The following EFNA5 variants were observed in gnomAD, a reference collection of about 807,000 sequenced individuals.
EFNA5 encodes ephrin A5.
A neutral mutation model predicts 22.9 loss-of-function variants in EFNA5; 5 were observed. That is an observed-to-expected ratio of 0.22 (90% CI 0.11 to 0.46). EFNA5 has a LOEUF of 0.46. EFNA5 is among the 20% of genes least tolerant of loss of function. The pLI is 0.99. For missense variants in EFNA5, 237 were observed against 293.3 expected (o/e 0.81, Z 1.40); for synonymous variants, 113 against 112.2 (o/e 1.01, Z -0.04).
chr5:107,387,617 TA>T, intron 3 of EFNA5, 88 bp downstream of exon 3: 42 of 877,918 alleles, frequency 4.8e-5, no homozygotes, highest in Non-Finnish European at 5.4e-5. Flanking sequence ...GATTTAACAG[TA>T]AAAAAAAGTT....
chr5:107,649,243 AAAT>A (rs1750684265), intron 1 of EFNA5, among the ~76,000 whole-genome samples: 1 of 152,194 alleles, frequency 6.6e-6, no homozygotes. Flanking sequence ...AGTTGGTAGA[AAAT>A]AAAAAACCTG....
intron 2 of EFNA5, among the ~76,000 whole-genome samples, chr5:107,390,478 T>C (rs1747760238): frequency 6.6e-6 from 1 of 152,094 alleles, no homozygotes; most frequent in South Asian, 2.1e-4. Context: ...CATGTAACAT[T>C]CCCACTAATA....
chr5:107,649,657 C>CTA (rs1415373768), intron 1 of EFNA5, among the ~76,000 whole-genome samples: 1 of 152,114 alleles, frequency 6.6e-6, no homozygotes, highest in African/African-American at 2.4e-5. Context: ...CACCTCAACT[C>CTA]TAAAGTTAGA....
At chr5:107,512,354 AAAAC>A (rs750180555) in intron 1 of EFNA5, among the ~76,000 whole-genome samples, 52 of 113,446 alleles carry the variant, frequency 4.6e-4, no homozygotes, top group Admixed American at 1.8e-4. Context: ...GGGGCAAAAC[AAAAC>A]AAACAAAACA....
chr5:107,474,063 G>A (rs1277321674), intron 1 of EFNA5, among the ~76,000 whole-genome samples: 3 of 146,918 alleles, frequency 2.0e-5, no homozygotes, highest in Admixed American at 7.1e-5. Flanking sequence ...AATCAATTTC[G>A]GCCCTGTACA....
intron 2 of EFNA5, among the ~76,000 whole-genome samples, chr5:107,406,317 T>C (rs1054102314): frequency 2.0e-5 from 3 of 151,972 alleles, no homozygotes; most frequent in Non-Finnish European, 2.9e-5. Flanking sequence ...ACCAACTTAA[T>C]ACACATTCTG....
chr5:107,528,840 A>C (rs1338227378), intron 1 of EFNA5, among the ~76,000 whole-genome samples: 2 of 152,178 alleles, frequency 1.3e-5, no homozygotes, highest in Non-Finnish European at 2.9e-5. Context: ...TATATAGATA[A>C]TATGTTCTAG....
chr5:107,569,817 A>G (rs1415041026), intron 1 of EFNA5, among the ~76,000 whole-genome samples: 3 of 137,142 alleles, frequency 2.2e-5, no homozygotes, highest in Admixed American at 1.5e-4. Flanking sequence ...GCACCATGCC[A>G]CTCCAGCCTG....
Position 107,495,129 on chromosome 5 carries a change from C to G in EFNA5, c.126-67620G>C, listed in dbSNP as rs1460221706. On this transcript the variant is annotated intron_variant, in intron 1 of 4. Transcript: ENST00000333274. ...CAACCCGCTCAGGTCCCCTTCCACG[C>G]TGTGGAAGCTTTGTTCTTTCGCTCT... 6.6e-5 allele frequency among the ~76,000 whole-genome samples: 10 copies of G among 152,294 alleles called. No individual in the cohort carries two copies. In the South Asian group the frequency reaches 1.9e-3, roughly 28 times the overall value.
intron 1 of EFNA5, among the ~76,000 whole-genome samples, chr5:107,576,800 C>G (rs1054528615): frequency 1.3e-5 from 2 of 152,158 alleles, no homozygotes; most frequent in Admixed American, 6.5e-5. Context: ...AATACTAAGC[C>G]TCCTCCCTTT....
chr5:107,414,568 G>A (rs932150312), intron 2 of EFNA5, among the ~76,000 whole-genome samples: 4 of 152,080 alleles, frequency 2.6e-5, no homozygotes, highest in Admixed American at 1.3e-4. Context: ...ATACTGAAGT[G>A]TGTCCTTCTA....
chr5:107,606,531 C>A (rs1749727826), intron 1 of EFNA5, among the ~76,000 whole-genome samples: 1 of 135,170 alleles, frequency 7.4e-6, no homozygotes, highest in South Asian at 2.6e-4. Flanking sequence ...CACACACTTG[C>A]ACGTACAACA....
intron 1 of EFNA5, among the ~76,000 whole-genome samples, chr5:107,649,394 A>G (rs568823700): frequency 6.6e-6 from 1 of 152,196 alleles, no homozygotes; most frequent in Non-Finnish European, 1.5e-5. Context: ...TAGCCAATAA[A>G]TTGAAATGAA....
rs143298623 is a variant in EFNA5, at chr5:107,508,448, G to A, written c.126-80939C>T. Among the ~76,000 whole-genome samples, 157 of 152,292 alleles carry A rather than the reference G, an allele frequency of 1.0e-3. 1 individual carries two copies. Among genetic ancestry groups the A allele is most frequent in the Middle Eastern group, 6.8e-3 (2 of 294 alleles). On this transcript the variant is annotated intron_variant, in intron 1 of 4. Coordinates refer to ENST00000333274, the MANE Select transcript of EFNA5 (RefSeq NM_001962.3). ...TTGCTGTAAAACACTATTTCCATCT[G>A]TGTCTTCTGCTGCATAGTTTAATTC...
In EFNA5 at chr5:107,381,030, G is replaced by A. The variant is rs2112481807; in HGVS notation, c.*225C>T. 2 of 547,560 alleles carry A rather than the reference G, an allele frequency of 3.7e-6. No homozygotes were observed. The highest frequency in any genetic ancestry group is 7.5e-5 in the South Asian group (2 of 26,822). 33.9% of individuals were successfully genotyped at this position (547,560 alleles called of 1,614,324 possible). On this transcript the variant is annotated 3_prime_UTR_variant, in exon 5 of 5. Coordinates refer to ENST00000333274, the MANE Select transcript of EFNA5 (RefSeq NM_001962.3). ...ATTTGGGAGGGGTGAGAGAAGCCAA[G>A]GGCCAGGGCTGGGGGTGGGGCGGGG...
intron 1 of EFNA5, among the ~76,000 whole-genome samples, chr5:107,482,532 G>A (rs1750496869): frequency 1.3e-5 from 2 of 152,030 alleles, no homozygotes; most frequent in Admixed American, 1.3e-4. Flanking sequence ...CAGATCTTGG[G>A]AAACAAATTA....
chr5:107,390,402 T>C (rs1210497298), intron 2 of EFNA5, among the ~76,000 whole-genome samples: 2 of 152,158 alleles, frequency 1.3e-5, no homozygotes, highest in African/African-American at 2.4e-5. Context: ...AGTGCATTAC[T>C]AATCACAAGT....
At chr5:107,604,166 C>T (rs773827162) in intron 1 of EFNA5, among the ~76,000 whole-genome samples, 1 of 152,108 alleles carries the variant, frequency 6.6e-6, no homozygotes, top group South Asian at 2.1e-4. Context: ...TTCCCAGTCA[C>T]CAATATTAAT....
chr5:107,533,668 C>A (rs948958572), intron 1 of EFNA5, among the ~76,000 whole-genome samples: 1 of 152,162 alleles, frequency 6.6e-6, no homozygotes, highest in Non-Finnish European at 1.5e-5. Context: ...AGTTAAACAT[C>A]CATCAAGAAT....
Sources: gnomAD v4.1 joint callset for allele counts (sites outside exome capture counted in the v4.1 genomes callset) on GRCh38, gnomAD v4.1.1 for gene constraint, MANE v1.5 for transcripts, NCBI Gene and HGNC (gene_info 2026-07-23, HGNC 2026-07-21) for gene names.